The following APBB2 variants were observed in gnomAD, a reference collection of about 807,000 sequenced individuals.
The protein encoded by APBB2 is amyloid beta precursor protein binding family B member 2.
Under a neutral mutation model 82.5 loss-of-function variants are expected in APBB2, and 38 were observed. The observed-to-expected ratio is 0.46, with a 90% CI of 0.36 to 0.60. APBB2 has a LOEUF of 0.60. APBB2 is among the 20% of genes least tolerant of loss of function. The pLI, the probability that APBB2 is intolerant of heterozygous loss-of-function variation, is 0.00. For synonymous variants in APBB2, 341 were observed against 368.2 expected, an observed-to-expected ratio of 0.93 and a Z score of 0.85; for missense variants, 772 against 972.3, an observed-to-expected ratio of 0.79 and a Z score of 2.74.
chr4:40,940,536 C>T (rs1160835269), intron 7 of APBB2, among the ~76,000 whole-genome samples: 1 of 152,110 alleles, frequency 6.6e-6, no homozygotes, highest in South Asian at 2.1e-4. Context: ...GACGGCAGAA[C>T]GGCCCTTTTA....
At chr4:40,982,942 A>G (rs1409485852) in intron 6 of APBB2, among the ~76,000 whole-genome samples, 1 of 152,192 alleles carries the variant, frequency 6.6e-6, no homozygotes, top group Admixed American at 6.5e-5. Context: ...GGGAACTGCG[A>G]TGGCCCTTTG....
At chr4:41,198,274 C>T in intron 1 of APBB2, among the ~76,000 whole-genome samples, 3 of 152,142 alleles carry the variant, frequency 2.0e-5, no homozygotes, top group East Asian at 3.9e-4. Context: ...GAGGAATAAG[C>T]GCCTGATGGA....
intron 8 of APBB2, 91 bp downstream of exon 8, chr4:40,934,986 G>A (rs1785060423): frequency 3.7e-6 from 4 of 1,075,354 alleles, no homozygotes; most frequent in East Asian, 5.1e-5. Flanking sequence ...CCTGCAGAAT[G>A]CATGATATTC....
intron 12 of APBB2, among the ~76,000 whole-genome samples, chr4:40,860,294 C>G (rs1023172198): frequency 4.6e-5 from 7 of 152,112 alleles, no homozygotes; most frequent in Non-Finnish European, 8.8e-5. Context: ...GGGCGCTTGG[C>G]CCATGCAGTA....
intron 10 of APBB2, among the ~76,000 whole-genome samples, chr4:40,930,434 T>TGC: frequency 2.6e-5 from 1 of 38,756 alleles, no homozygotes; most frequent in Non-Finnish European, 5.9e-5. Context: ...TGTGTGTGTG[T>TGC]GTGTGTGTGT....
intron 12 of APBB2, among the ~76,000 whole-genome samples, chr4:40,884,174 TA>T (rs113249003): frequency 6.6e-6 from 1 of 152,310 alleles, no homozygotes; most frequent in African/African-American, 2.4e-5. Context: ...CTGGCAAAAA[TA>T]CCTGGGGTGT....
chr4:40,913,085 A>G (rs933145379), intron 10 of APBB2, among the ~76,000 whole-genome samples: 1 of 152,178 alleles, frequency 6.6e-6, no homozygotes, highest in South Asian at 2.1e-4. Context: ...GTGCACATGA[A>G]GTGGAACATT....
chr4:41,175,546 C>T (rs1197138679), intron 1 of APBB2, among the ~76,000 whole-genome samples: 1 of 152,072 alleles, frequency 6.6e-6, no homozygotes, highest in Non-Finnish European at 1.5e-5. Flanking sequence ...GATCTGCTCC[C>T]ACCAATCAAG....
At chr4:41,118,388 G>A (rs1364246819) in intron 2 of APBB2, among the ~76,000 whole-genome samples, 2 of 152,006 alleles carry the variant, frequency 1.3e-5, no homozygotes, top group East Asian at 1.9e-4. Flanking sequence ...CTAAGCCTCC[G>A]TTTTCCTCAT....
At chr4:40,944,745 A>G in intron 7 of APBB2, 120 bp downstream of exon 7, 4 of 926,040 alleles carry the variant, frequency 4.3e-6, no homozygotes, top group Non-Finnish European at 6.8e-6. Flanking sequence ...TTCAAATGCA[A>G]CATGCACAAT....
At chr4:41,094,446 A>G (rs1395401675) in intron 3 of APBB2, among the ~76,000 whole-genome samples, 3 of 152,242 alleles carry the variant, frequency 2.0e-5, no homozygotes, top group Non-Finnish European at 2.9e-5. Flanking sequence ...ACTAACATCC[A>G]AGAAGCCCTT....
At chr4:40,988,405 G>A (rs1800988063) in intron 6 of APBB2, among the ~76,000 whole-genome samples, 1 of 151,882 alleles carries the variant, frequency 6.6e-6, no homozygotes, top group African/African-American at 2.4e-5. Context: ...GGAGGTGGAG[G>A]CAGGCGGATC....
chr4:40,938,019 A>G (rs1785821500), intron 7 of APBB2, among the ~76,000 whole-genome samples: 1 of 152,246 alleles, frequency 6.6e-6, no homozygotes, highest in Admixed American at 6.5e-5. Context: ...AAAAACATTA[A>G]AAGGGGAAAA....
At chr4:41,017,667 C>T (rs62412120) in intron 5 of APBB2, among the ~76,000 whole-genome samples, 6,981 of 152,140 alleles carry the variant, frequency 0.046, 339 homozygotes, top group African/African-American at 0.12. Flanking sequence ...GTGAGCTCCA[C>T]TCACTACTTT....
intron 16 of APBB2, 162 bp from the exon 17 acceptor site, chr4:40,822,212 C>G (rs1264527383): frequency 5.5e-6 from 4 of 731,694 alleles, no homozygotes; most frequent in Non-Finnish European, 6.7e-6. Flanking sequence ...TCTGAAGAGG[C>G]CATCACTGCA....
chr4:40,897,608 A>G (rs760438124), intron 10 of APBB2, among the ~76,000 whole-genome samples: 14 of 152,172 alleles, frequency 9.2e-5, no homozygotes, highest in Non-Finnish European at 1.9e-4. Flanking sequence ...TTTCTTGGGT[A>G]ACCCTGCTCT....
intron 4 of APBB2, among the ~76,000 whole-genome samples, chr4:41,041,860 A>C (rs1721633368): frequency 6.6e-6 from 1 of 152,246 alleles, no homozygotes; most frequent in East Asian, 1.9e-4. Context: ...CTGGAAAAGA[A>C]ATATTTTCAA....
At chr4:40,893,539 A>C in intron 10 of APBB2, 128 bp from the exon 11 acceptor site, 1 of 784,758 alleles carries the variant, frequency 1.3e-6, no homozygotes, top group Non-Finnish European at 1.9e-6. Flanking sequence ...CATTATGTTC[A>C]ATCATCTAAT....
chr4:41,076,889 A>G (rs1735812380), intron 3 of APBB2, among the ~76,000 whole-genome samples: 1 of 152,206 alleles, frequency 6.6e-6, no homozygotes, highest in Admixed American at 6.5e-5. Flanking sequence ...AACAAGAAAA[A>G]GCTCCTAGAA....
Sources: gnomAD v4.1 joint callset for allele counts (sites outside exome capture counted in the v4.1 genomes callset) on GRCh38, gnomAD v4.1.1 for gene constraint, MANE v1.5 for transcripts, NCBI Gene and HGNC (gene_info 2026-07-23, HGNC 2026-07-21) for gene names.